Variants in SH3RF3 observed in about 807,000 individuals in gnomAD.
SH3RF3 encodes the protein SH3 domain containing ring finger 3.
SH3RF3 carries 29 observed loss-of-function variants against 66.3 expected under a neutral mutation model. That is an observed-to-expected ratio of 0.44 (90% CI 0.33 to 0.60). The LOEUF is 0.60. Among genes scored for constraint, SH3RF3 ranks in the 20% least tolerant of loss-of-function variants. The probability of loss-of-function intolerance (pLI) is 0.04; values close to 1 mark genes in which losing one functional copy is unlikely to be tolerated. For synonymous variants in SH3RF3, 583 were observed against 532.0 expected (o/e 1.10, Z -1.32); for missense variants, 1,194 against 1,190.9 (o/e 1.00, Z -0.04).
chr2:109,355,601 G>A (rs568260432), intron 2 of SH3RF3, among the ~76,000 whole-genome samples: 61 of 152,256 alleles, frequency 4.0e-4, no homozygotes, highest in African/African-American at 1.5e-3. Flanking sequence ...CAGGGCCAAG[G>A]GCACAGGTGT....
chr2:109,282,179 T>A (rs557998682), intron 1 of SH3RF3, among the ~76,000 whole-genome samples: 1 of 152,264 alleles, frequency 6.6e-6, no homozygotes, highest in African/African-American at 2.4e-5. Context: ...CTATTTTTCT[T>A]TTTATCTTGT....
At chr2:109,387,311 G>C (rs1369382476) in intron 3 of SH3RF3, among the ~76,000 whole-genome samples, 1 of 152,206 alleles carries the variant, frequency 6.6e-6, no homozygotes, top group Non-Finnish European at 1.5e-5. Flanking sequence ...GGGGGATCCT[G>C]TTGTGTCCCT....
At chr2:109,313,882 G>A (rs1681798870) in intron 1 of SH3RF3, among the ~76,000 whole-genome samples, 1 of 144,538 alleles carries the variant, frequency 6.9e-6, no homozygotes, top group Non-Finnish European at 1.5e-5. Flanking sequence ...TTGAAGAGTG[G>A]CAGTGGAGGA....
chr2:109,449,238 T>G lies in SH3RF3; in HGVS notation c.1897T>G (p.Ser633Ala). 1.2e-6 allele frequency: 2 copies of G among 1,612,620 alleles called. No homozygotes were observed. The highest frequency in any genetic ancestry group is 1.7e-6 in the Non-Finnish European group (2 of 1,179,534). Residue 633 changes from serine (S) to alanine (A), a missense_variant, in exon 8 of 10, where the codon TCT (serine) becomes GCT (alanine). Coordinates refer to ENST00000309415, the MANE Select transcript of SH3RF3 (RefSeq NM_001099289.3). ...ATVSPLRTQN[S>A]PSRLPATSLR... ...CGTGTCACCCCTGCGCACCCAGAAC[T>G]CTCCATCCCGCCTGCCTGCCACCAG...
At chr2:109,330,356 T>C (rs962711632) in intron 1 of SH3RF3, among the ~76,000 whole-genome samples, 1 of 152,198 alleles carries the variant, frequency 6.6e-6, no homozygotes, top group African/African-American at 2.4e-5. Flanking sequence ...GTCTCTTCCT[T>C]CTTTTTTTTT....
At chr2:109,200,996 G>GGCA (rs1574501039) in intron 1 of SH3RF3, among the ~76,000 whole-genome samples, 1 of 152,136 alleles carries the variant, frequency 6.6e-6, no homozygotes, top group African/African-American at 2.4e-5. Flanking sequence ...GGGACAAAGG[G>GGCA]GCAGCAGCAG....
intron 1 of SH3RF3, among the ~76,000 whole-genome samples, chr2:109,267,472 CAG>C (rs1445406316): frequency 6.6e-6 from 1 of 152,216 alleles, no homozygotes; most frequent in Non-Finnish European, 1.5e-5. Context: ...TTCATAAAGA[CAG>C]AGTCAGTGTT....
intron 1 of SH3RF3, among the ~76,000 whole-genome samples, chr2:109,324,864 G>T (rs191907277): frequency 1.3e-5 from 2 of 152,194 alleles, no homozygotes; most frequent in Non-Finnish European, 2.9e-5. Context: ...AAGCACGCAC[G>T]CTGGCACACT....
chr2:109,268,160 T>C (rs894399057), intron 1 of SH3RF3, among the ~76,000 whole-genome samples: 2 of 151,942 alleles, frequency 1.3e-5, no homozygotes, highest in Non-Finnish European at 2.9e-5. Flanking sequence ...TGCTGATGTT[T>C]GTGATGTTAA....
chr2:109,320,371 G>A (rs1681993576), intron 1 of SH3RF3, among the ~76,000 whole-genome samples: 1 of 152,182 alleles, frequency 6.6e-6, no homozygotes, highest in Admixed American at 6.5e-5. Context: ...CTGAGCAGCA[G>A]GTACAACGTT....
At chr2:109,242,745 C>T in intron 1 of SH3RF3, among the ~76,000 whole-genome samples, 1 of 152,200 alleles carries the variant, frequency 6.6e-6, no homozygotes, top group East Asian at 1.9e-4. Context: ...ACAGCTGGGC[C>T]TTGATCTTCT....
chr2:109,154,822 C>T (rs1452932429), intron 1 of SH3RF3, among the ~76,000 whole-genome samples: 1 of 152,184 alleles, frequency 6.6e-6, no homozygotes, highest in East Asian at 1.9e-4. Flanking sequence ...ATAGAGCCTT[C>T]TGAAGCCCCA....
intron 9 of SH3RF3, among the ~76,000 whole-genome samples, chr2:109,492,140 G>T (rs926008234): frequency 6.6e-6 from 1 of 152,074 alleles, no homozygotes; most frequent in Non-Finnish European, 1.5e-5. Flanking sequence ...TGAATGGGCC[G>T]GTGTCCCAGT....
At chr2:109,323,444 T>C (rs1682076486) in intron 1 of SH3RF3, among the ~76,000 whole-genome samples, 1 of 152,220 alleles carries the variant, frequency 6.6e-6, no homozygotes, top group Admixed American at 6.5e-5. Flanking sequence ...CCAAAGAATA[T>C]TCAGTGAGAT....
At chr2:109,472,749 A>T (rs1297299336) in intron 8 of SH3RF3, among the ~76,000 whole-genome samples, 1 of 152,114 alleles carries the variant, frequency 6.6e-6, no homozygotes, top group East Asian at 1.9e-4. Context: ...ATTCCATTTG[A>T]TCTAATAATT....
chr2:109,183,273 AG>A (rs1678110339), intron 1 of SH3RF3, among the ~76,000 whole-genome samples: 6 of 151,468 alleles, frequency 4.0e-5, no homozygotes, highest in Admixed American at 1.3e-4. Context: ...AGTTAGTTTC[AG>A]GCTTGTGTAT....
At chr2:109,497,169 A>G (rs1573298847) in intron 9 of SH3RF3, among the ~76,000 whole-genome samples, 1 of 152,242 alleles carries the variant, frequency 6.6e-6, no homozygotes. Context: ...TTATAGCCAT[A>G]AACAACTAAT....
chr2:109,131,074 C>T (rs904900001), intron 1 of SH3RF3, among the ~76,000 whole-genome samples: 1 of 152,192 alleles, frequency 6.6e-6, no homozygotes, highest in African/African-American at 2.4e-5. Context: ...TATTCCTCTA[C>T]TTTTGACCAT....
chr2:109,299,518 T>C lies in SH3RF3; in HGVS notation c.574-48156T>C, dbSNP rs1022504312. Among the ~76,000 whole-genome samples the C allele has an allele frequency of 7.6e-4, 116 of 152,176 alleles. 1 individual carries two copies. The highest frequency in any genetic ancestry group is 3.4e-3 in the Middle Eastern group (1 of 294). ...ATGATGTACCCCTAGGCCTTAGCCT[T>C]GCACCCCAGGACAGGAGGACTGCGC... is the stretch of plus-strand genomic sequence containing the variant. On this transcript the variant is annotated intron_variant, in intron 1 of 9. Transcript: ENST00000309415.
Sources: allele counts gnomAD v4.1 joint callset (sites outside exome capture counted in the v4.1 genomes callset), GRCh38; gene constraint gnomAD v4.1.1; transcripts MANE v1.5; gene names NCBI Gene and HGNC (gene_info 2026-07-23, HGNC 2026-07-21).